Variants in ACTR3B observed in about 807,000 individuals in gnomAD.
ACTR3B encodes the protein actin-related protein 3B.
A neutral mutation model predicts 59.0 loss-of-function variants in ACTR3B; 8 were observed. That is an observed-to-expected ratio of 0.14 (90% CI 0.08 to 0.24). The LOEUF (loss-of-function observed/expected upper bound fraction) is 0.24. Among genes scored for constraint, ACTR3B ranks in the 10% least tolerant of loss-of-function variants. ACTR3B has a pLI of 1.00. For synonymous variants in ACTR3B, 148 were observed against 197.9 expected, an observed-to-expected ratio of 0.75 and a Z score of 2.12; for missense variants, 245 against 552.3, an observed-to-expected ratio of 0.44 and a Z score of 5.58.
chr7:152,766,143 C>T (rs905627493), intron 1 of ACTR3B, among the ~76,000 whole-genome samples: 11 of 152,056 alleles, frequency 7.2e-5, no homozygotes, highest in African/African-American at 1.7e-4. Context: ...ATCAGGACTA[C>T]GGTGAAAATG....
intron 8 of ACTR3B, 82 bp downstream of exon 8, chr7:152,823,597 C>A: frequency 1.3e-6 from 2 of 1,483,392 alleles, no homozygotes; most frequent in South Asian, 1.3e-5. Flanking sequence ...CAGTTCCCAG[C>A]GAAGGGCCTG....
At chr7:152,819,501 T>A (rs1462841936) in intron 6 of ACTR3B, among the ~76,000 whole-genome samples, 3 of 152,218 alleles carry the variant, frequency 2.0e-5, no homozygotes, top group Non-Finnish European at 4.4e-5. Context: ...AGCCTGTGGC[T>A]CCTGTGGCAG....
Position 152,820,287 on chromosome 7 carries a change from C to A in ACTR3B, c.541-12C>A. 1 of 1,576,178 alleles carries A rather than the reference C, an allele frequency of 6.3e-7. No homozygotes were observed. Among genetic ancestry groups the A allele is most frequent in the Non-Finnish European group, 8.6e-7 (1 of 1,156,136 alleles). On this transcript the variant is annotated splice_polypyrimidine_tract_variant and intron_variant, in intron 6 of 11. Transcript: ENST00000256001. Reference sequence around the variant, plus strand: ...CACTAACACAGCTGTTCTGCCTCCTCTTCTTCCCTAGGCAGAAGGTTATGT... The same window carrying A: ...CACTAACACAGCTGTTCTGCCTCCTATTCTTCCCTAGGCAGAAGGTTATGT...
rs1295259162 is a variant in ACTR3B at position 152,786,552 on chromosome 7, CG to C, written c.100+3311del. ...TGGGGGACAGAGTGAGGTTCCGTCT[CG>C]AAAAAAAAAAAAAAACAAAAAACAA... On this transcript the variant is annotated intron_variant, in intron 2 of 11. Transcript: ENST00000256001. 3.9e-3 allele frequency: 538 copies of C among 136,234 alleles called. 6 individuals carry two copies. Among genetic ancestry groups the C allele is most frequent in the South Asian group, 0.038 (162 of 4,214 alleles). The allele number at this position is 136,234 out of a possible 1,614,324, so 8.4% of individuals were successfully genotyped here. A position where few individuals can be genotyped will look rare whatever the true frequency, so the allele number is the denominator to read the frequency against.
At chr7:152,844,267 A>G (rs1412081701) in intron 9 of ACTR3B, among the ~76,000 whole-genome samples, 1 of 152,122 alleles carries the variant, frequency 6.6e-6, no homozygotes, top group Non-Finnish European at 1.5e-5. Context: ...CATGTTGGCC[A>G]GGCTGGTCTC....
Position 152,769,603 on chromosome 7 carries a change from TTGATA to T in ACTR3B, c.44+9682_44+9686del, listed in dbSNP as rs2098119341. Among the ~76,000 whole-genome samples the T allele has an allele frequency of 2.6e-5, 4 of 152,320 alleles. No homozygotes were observed. The South Asian group carries it at 8.3e-4, about 32-fold the overall frequency. On this transcript the variant is annotated intron_variant, in intron 1 of 11. Transcript: ENST00000256001. ...GGTGATTTAAGCATATTTATATGTA[TTGATA>T]TGATTGATATATTTGGCCTCAGTTT...
intron 1 of ACTR3B, among the ~76,000 whole-genome samples, chr7:152,770,965 T>G (rs2098122488): frequency 7.2e-6 from 1 of 139,506 alleles, no homozygotes; most frequent in Non-Finnish European, 1.6e-5. Flanking sequence ...TGGAATTTTA[T>G]TTTTTTTTCA....
intron 8 of ACTR3B, 78 bp downstream of exon 8, chr7:152,823,593 C>T (rs1796352795): frequency 2.0e-6 from 3 of 1,497,112 alleles, no homozygotes; most frequent in Admixed American, 2.0e-5. Flanking sequence ...AGAGCAGTTC[C>T]CAGCGAAGGG....
intron 2 of ACTR3B, among the ~76,000 whole-genome samples, chr7:152,797,183 C>T (rs2098220414): frequency 6.6e-6 from 1 of 152,090 alleles, no homozygotes; most frequent in African/African-American, 2.4e-5. Context: ...GCCTCAACCT[C>T]CTGGGCTCAA....
intron 2 of ACTR3B, among the ~76,000 whole-genome samples, chr7:152,799,121 T>C (rs1433820485): frequency 6.6e-6 from 1 of 152,216 alleles, no homozygotes; most frequent in African/African-American, 2.4e-5. Context: ...AAATTTTATC[T>C]AGCATTTACA....
intron 9 of ACTR3B, among the ~76,000 whole-genome samples, chr7:152,847,674 C>T (rs887177923): frequency 1.3e-5 from 2 of 152,194 alleles, no homozygotes; most frequent in Non-Finnish European, 2.9e-5. Context: ...CAGATGAGGA[C>T]AGAGCCCGTG....
chr7:152,809,989 A>G (rs1403073762), intron 4 of ACTR3B, among the ~76,000 whole-genome samples: 1 of 152,156 alleles, frequency 6.6e-6, no homozygotes, highest in Non-Finnish European at 1.5e-5. Context: ...TAACTGTACA[A>G]TTTTGTAATG....
chr7:152,830,957 C>A (rs1344916461), intron 9 of ACTR3B, among the ~76,000 whole-genome samples: 1 of 152,118 alleles, frequency 6.6e-6, no homozygotes, highest in Admixed American at 6.5e-5. Flanking sequence ...TCAAATAGGT[C>A]TTTTATTCAG....
chr7:152,760,523 C>G (rs1282081713), intron 1 of ACTR3B, among the ~76,000 whole-genome samples: 2 of 152,202 alleles, frequency 1.3e-5, no homozygotes, highest in African/African-American at 4.8e-5. Flanking sequence ...CCTCCCTGCG[C>G]TTTTCCAGTA....
At chr7:152,766,640 A>G (rs1421522402) in intron 1 of ACTR3B, among the ~76,000 whole-genome samples, 4 of 152,062 alleles carry the variant, frequency 2.6e-5, no homozygotes, top group African/African-American at 7.2e-5. Context: ...TATTTCCCCT[A>G]TTTATCATTT....
chr7:152,781,193 G>GTGT (rs2098152201), intron 1 of ACTR3B, among the ~76,000 whole-genome samples: 2 of 94,432 alleles, frequency 2.1e-5, no homozygotes, highest in African/African-American at 8.3e-5. Flanking sequence ...CGTTTCAGTG[G>GTGT]TTTTTTTTTT....
intron 8 of ACTR3B, among the ~76,000 whole-genome samples, chr7:152,823,853 G>A (rs1194220726): frequency 6.6e-6 from 1 of 152,192 alleles, no homozygotes; most frequent in African/African-American, 2.4e-5. Flanking sequence ...TATGGAGGTT[G>A]CCTGTGCATA....
intron 4 of ACTR3B, among the ~76,000 whole-genome samples, chr7:152,807,964 C>T (rs1385526033): frequency 1.3e-5 from 2 of 152,158 alleles, no homozygotes; most frequent in East Asian, 3.9e-4. Context: ...AAACCATTGC[C>T]ACCGTCTGTC....
intron 1 of ACTR3B, among the ~76,000 whole-genome samples, chr7:152,778,989 CAT>C (rs1385883508): frequency 8.5e-6 from 1 of 117,402 alleles, no homozygotes; most frequent in Non-Finnish European, 1.7e-5. Flanking sequence ...AAAAAAAGGA[CAT>C]ATGAGTTATT....
Sources: gnomAD v4.1 joint callset for allele counts (sites outside exome capture counted in the v4.1 genomes callset) on GRCh38, gnomAD v4.1.1 for gene constraint, MANE v1.5 for transcripts, NCBI Gene and HGNC (gene_info 2026-07-23, HGNC 2026-07-21) for gene names.